Variants in NUBPL observed in about 807,000 individuals in gnomAD.
The protein encoded by NUBPL is NUBP iron-sulfur cluster assembly factor, mitochondrial.
In NUBPL, 31 loss-of-function variants were observed where a neutral mutation model predicts 45.7. The ratio of observed to expected loss-of-function variants is 0.68; its 90% confidence interval spans 0.51 to 0.92. NUBPL has a LOEUF of 0.92. NUBPL is among the 40% of genes least tolerant of loss of function. The pLI, the probability that NUBPL is intolerant of heterozygous loss-of-function variation, is 0.00. For synonymous variants in NUBPL, 144 were observed against 140.9 expected, an observed-to-expected ratio of 1.02 and a Z score of -0.15; for missense variants, 401 against 398.7, an observed-to-expected ratio of 1.01 and a Z score of -0.05.
intron 8 of NUBPL, chr14:31,844,655 G>C (rs186901412): frequency 6.7e-6 from 1 of 149,614 alleles, no homozygotes; most frequent in African/African-American, 2.4e-5. Flanking sequence ...CAATTTTTTC[G>C]CCTTCTTATC....
chr14:31,597,948 T>TTAAAAAA (rs1405720820), intron 3 of NUBPL, among the ~76,000 whole-genome samples: 1 of 152,102 alleles, frequency 6.6e-6, no homozygotes. Context: ...TGTTTGTGGT[T>TTAAAAAA]TAAAAAATAG....
At chr14:31,594,853 G>A (rs190311385) in intron 3 of NUBPL, among the ~76,000 whole-genome samples, 9 of 152,294 alleles carry the variant, frequency 5.9e-5, no homozygotes, top group East Asian at 1.9e-4. Flanking sequence ...CTGCCAGTCC[G>A]AGATTAAACT....
chr14:31,599,009 A>G lies in NUBPL; in HGVS notation c.292-280A>G, dbSNP rs2034071. Among the ~76,000 whole-genome samples the G allele has an allele frequency of 0.95, 144,728 of 152,278 alleles. 68,831 individuals are homozygous for G. The highest frequency in any genetic ancestry group is 0.99 in the East Asian group (5,148 of 5,178). ...GTCTTAGTCTGCTTGAGACTATATG[A>G]GAGACCTGAACTACAATATGTAAAG... On this transcript the variant is annotated intron_variant, in intron 3 of 10. Coordinates refer to ENST00000281081, the MANE Select transcript of NUBPL (RefSeq NM_025152.3).
rs113235453 is a variant in NUBPL, at chr14:31,849,939, A to G, written c.815-180A>G. ...TACAATCACTGTACTACTCTAAAAT[A>G]GAGTATCTTGTTTGTAATTCCCATT... On this transcript the variant is annotated intron_variant, in intron 9 of 10. Transcript: ENST00000281081. 25,712 of 633,004 alleles carry G rather than the reference A, an allele frequency of 0.041. 676 individuals are homozygous for G. The highest frequency in any genetic ancestry group is 0.054 in the Non-Finnish European group (19,176 of 355,960). The allele number at this position is 633,004 out of a possible 1,614,324, so 39.2% of individuals were successfully genotyped here. A position where few individuals can be genotyped will look rare whatever the true frequency, so the allele number is the denominator to read the frequency against.
chr14:31,642,698 GATT>G (rs2035739206), intron 4 of NUBPL, among the ~76,000 whole-genome samples: 1 of 151,976 alleles, frequency 6.6e-6, no homozygotes, highest in Non-Finnish European at 1.5e-5. Context: ...TACATTTTTG[GATT>G]ATTATTGCTA....
chr14:31,681,322 A>G (rs2036827725), intron 6 of NUBPL, among the ~76,000 whole-genome samples: 1 of 151,954 alleles, frequency 6.6e-6, no homozygotes, highest in African/African-American at 2.4e-5. Flanking sequence ...TAATTGTATA[A>G]TGTACACATG....
At chr14:31,688,646 G>GT (rs1324079141) in intron 6 of NUBPL, among the ~76,000 whole-genome samples, 1 of 100,654 alleles carries the variant, frequency 9.9e-6, no homozygotes, top group African/African-American at 7.3e-5. Context: ...GCCTGAACAG[G>GT]TTTTTGTTGT....
chr14:31,691,126 C>T (rs1232420527), intron 6 of NUBPL, among the ~76,000 whole-genome samples: 3 of 152,154 alleles, frequency 2.0e-5, no homozygotes, highest in African/African-American at 7.2e-5. Context: ...AAGTACTTCT[C>T]ATGGGAAGAG....
At chr14:31,658,332 G>A (rs1425854955) in intron 4 of NUBPL, among the ~76,000 whole-genome samples, 1 of 152,096 alleles carries the variant, frequency 6.6e-6, no homozygotes. Flanking sequence ...CTTTGGGCAG[G>A]TTAGTTTAAT....
At chr14:31,740,027 G>C (rs1415348983) in intron 6 of NUBPL, among the ~76,000 whole-genome samples, 1 of 152,130 alleles carries the variant, frequency 6.6e-6, no homozygotes, top group African/African-American at 2.4e-5. Flanking sequence ...TTCATTGTTT[G>C]TGTATATCAC....
intron 4 of NUBPL, among the ~76,000 whole-genome samples, chr14:31,657,971 A>G (rs1433655681): frequency 6.6e-6 from 1 of 152,234 alleles, no homozygotes; most frequent in African/African-American, 2.4e-5. Flanking sequence ...AATGTCCCCT[A>G]TAAACAGAAA....
intron 8 of NUBPL, among the ~76,000 whole-genome samples, chr14:31,833,840 A>G (rs2040231342): frequency 6.6e-6 from 1 of 152,234 alleles, no homozygotes; most frequent in Admixed American, 6.5e-5. Context: ...TTCTGCGCAC[A>G]TTCTATTAGC....
At chr14:31,599,494 C>A in intron 4 of NUBPL, 115 bp downstream of exon 4, 1 of 724,634 alleles carries the variant, frequency 1.4e-6, no homozygotes, top group Non-Finnish European at 2.3e-6. Flanking sequence ...TAGTGTAAGT[C>A]CTCACTTAAG....
At chr14:31,782,218 A>T (rs896860600) in intron 6 of NUBPL, among the ~76,000 whole-genome samples, 2 of 152,080 alleles carry the variant, frequency 1.3e-5, no homozygotes, top group African/African-American at 4.8e-5. Flanking sequence ...AAGATGGTGA[A>T]TCCCCATCTC....
intron 6 of NUBPL, among the ~76,000 whole-genome samples, chr14:31,770,409 A>C (rs188541174): frequency 6.6e-6 from 1 of 152,094 alleles, no homozygotes; most frequent in African/African-American, 2.4e-5. Context: ...CTGGGTGGGG[A>C]CTACAGGAAG....
intron 3 of NUBPL, among the ~76,000 whole-genome samples, chr14:31,595,683 C>T (rs2034262932): frequency 6.6e-6 from 1 of 152,136 alleles, no homozygotes; most frequent in Non-Finnish European, 1.5e-5. Flanking sequence ...AGACTATTTA[C>T]ATACTTAAAA....
At chr14:31,688,661 T>TTG (rs1429578106) in intron 6 of NUBPL, among the ~76,000 whole-genome samples, 6 of 148,510 alleles carry the variant, frequency 4.0e-5, no homozygotes, top group Admixed American at 6.7e-5. Flanking sequence ...TGTTGTTGTT[T>TTG]TTTTTTTTTT....
chr14:31,576,806 C>T (rs1016481007), intron 3 of NUBPL, among the ~76,000 whole-genome samples: 3 of 152,156 alleles, frequency 2.0e-5, no homozygotes, highest in Non-Finnish European at 4.4e-5. Context: ...GGTAACTTAT[C>T]TGGAGGCTTT....
chr14:31,707,371 G>GC (rs1250058072), intron 6 of NUBPL, among the ~76,000 whole-genome samples: 3 of 152,218 alleles, frequency 2.0e-5, no homozygotes, highest in Non-Finnish European at 4.4e-5. Context: ...AGGGTACACT[G>GC]TTTTTTCTTT....
Sources: gnomAD v4.1 joint callset for allele counts (sites outside exome capture counted in the v4.1 genomes callset) on GRCh38, gnomAD v4.1.1 for gene constraint, MANE v1.5 for transcripts, NCBI Gene and HGNC (gene_info 2026-07-23, HGNC 2026-07-21) for gene names.